The following LTV1 variants were observed in gnomAD, a reference collection of about 807,000 sequenced individuals.
LTV1 encodes protein LTV1 homolog.
In LTV1, 39 loss-of-function variants were observed where a neutral mutation model predicts 59.9. That is an observed-to-expected ratio of 0.65 (90% CI 0.50 to 0.85). The LOEUF is 0.85. LTV1 is among the 40% of genes least tolerant of loss of function. The pLI, the probability that LTV1 is intolerant of heterozygous loss-of-function variation, is 0.00. For synonymous variants in LTV1, 171 were observed against 189.5 expected (o/e 0.90, Z 0.80); for missense variants, 493 against 549.1 (o/e 0.90, Z 1.02).
Position 143,862,334 on chromosome 6 carries a change from C to A in LTV1, c.1063+91C>A. 2 of 1,211,836 alleles carry A rather than the reference C, an allele frequency of 1.7e-6. No homozygotes were observed. Among genetic ancestry groups the A allele is most frequent in the Non-Finnish European group, 2.3e-6 (2 of 873,670 alleles). The allele number at this position is 1,211,836 out of a possible 1,614,324, so 75.1% of individuals were successfully genotyped here. The stretch of plus-strand genomic sequence containing the variant: ...CGGTGCCTCACGCCTGTAGTAATCC[C>A]AGCACTTTGGGAGGCCGAGGCGGGT... On this transcript the variant is annotated intron_variant, in intron 8 of 10. Coordinates refer to ENST00000367576, the MANE Select transcript of LTV1 (RefSeq NM_032860.5). The surrounding 1 kb of genome is among the most constrained non-coding windows in gnomAD (Gnocchi z 4.2).
intron 6 of LTV1, among the ~76,000 whole-genome samples, chr6:143,859,533 A>G (rs1266919653): frequency 6.6e-6 from 1 of 152,260 alleles, no homozygotes; most frequent in Non-Finnish European, 1.5e-5. Flanking sequence ...GAATGAAGGA[A>G]TAGTTGCCAT....
chr6:143,852,655 C>G (rs1582938004), intron 4 of LTV1, among the ~76,000 whole-genome samples: 2 of 152,166 alleles, frequency 1.3e-5, no homozygotes, highest in East Asian at 3.8e-4. Context: ...TGCCTATATC[C>G]TGAATGGTAT....
chr6:143,845,300 TG>T (rs963988241), intron 2 of LTV1, among the ~76,000 whole-genome samples: 1 of 152,158 alleles, frequency 6.6e-6, no homozygotes, highest in African/African-American at 2.4e-5. Context: ...CTGGGGGACA[TG>T]GGCCACGTTT....
At chr6:143,853,831 T>A (rs1236829739) in intron 4 of LTV1, among the ~76,000 whole-genome samples, 1 of 152,250 alleles carries the variant, frequency 6.6e-6, no homozygotes, top group Non-Finnish European at 1.5e-5. Flanking sequence ...AGCTTTTTGA[T>A]GTGCTGCTGG....
intron 6 of LTV1, 120 bp from the exon 7 acceptor site, chr6:143,860,306 T>G: frequency 1.3e-6 from 1 of 751,162 alleles, no homozygotes; most frequent in Non-Finnish European, 2.1e-6. Context: ...TAATGGTAAT[T>G]GTGATAGTAC....
Position 143,860,494 on chromosome 6 carries a change from A to T in LTV1, c.864A>T (p.Gln288His), listed in dbSNP as rs1402309060. The change falls in exon 7 of 11, where the codon CAA (glutamine) becomes CAT (histidine). Residue 288 changes from glutamine to histidine, a missense_variant. Coordinates refer to ENST00000367576, the MANE Select transcript of LTV1 (RefSeq NM_032860.5). The stretch of plus-strand genomic sequence containing the variant: ...ATGCAGAATTGGAAGGTTCTATTCA[A>T]GTGGACAGCAATCGCTTACAGGAAG... ...LDNAELEGSIQVDSNRLQEVL... is the reference protein window; with the variant it reads ...LDNAELEGSIHVDSNRLQEVL... The T allele has an allele frequency of 3.2e-5, 51 of 1,613,758 alleles. No individual in the cohort carries two copies. The highest frequency in any genetic ancestry group is 4.2e-5 in the Non-Finnish European group (50 of 1,179,784).
At chr6:143,860,592 T>C in intron 7 of LTV1, 39 bp downstream of exon 7, 1 of 1,545,834 alleles carries the variant, frequency 6.5e-7, no homozygotes, top group South Asian at 1.3e-5. Context: ...CTGTTCTTTT[T>C]TTTAAAAAAG....
rs893639020 is a variant in LTV1 at position 143,863,049 on chromosome 6, G to T, written c.1117-37G>T. The T allele has an allele frequency of 3.5e-5, 54 of 1,556,000 alleles. No homozygotes were observed. In the Admixed American group the frequency reaches 7.4e-4, roughly 21 times the overall value. On this transcript the variant is annotated intron_variant, in intron 9 of 10. Transcript: ENST00000367576. The surrounding 1 kb of genome is among the most constrained non-coding windows in gnomAD (Gnocchi z 4.5). ...TAATGAGCTATTTTTTAATAGGAAT[G>T]AGAAGTAACTCTAGTACCATTTTAT... is the stretch of plus-strand genomic sequence containing the variant.
intron 4 of LTV1, among the ~76,000 whole-genome samples, chr6:143,851,785 C>T (rs1392552729): frequency 6.6e-6 from 1 of 152,022 alleles, no homozygotes; most frequent in East Asian, 1.9e-4. Context: ...CATATGTTCT[C>T]ATTGTTCAAC....
In LTV1 at chr6:143,862,013, C is replaced by A; in HGVS notation, c.924-91C>A. The A allele has an allele frequency of 1.6e-6, 2 of 1,281,024 alleles. No homozygotes were observed. The highest frequency in any genetic ancestry group is 2.2e-6 in the Non-Finnish European group (2 of 918,932). 79.4% of individuals were successfully genotyped at this position (1,281,024 alleles called of 1,614,324 possible). On this transcript the variant is annotated intron_variant, in intron 7 of 10. Transcript: ENST00000367576. This position sits in a 1 kb window ranked among gnomAD's most constrained non-coding sequence, Gnocchi z 4.2. ...TGTGCATTTAAAACATTGGTTTTTCCACAGCTAAAAATTGCAGTTTTAGTG... is the reference window on the plus strand; with the variant it reads ...TGTGCATTTAAAACATTGGTTTTTCAACAGCTAAAAATTGCAGTTTTAGTG...
In LTV1 at chr6:143,857,927, C is replaced by T. The variant is rs775225467; in HGVS notation, c.715C>T (p.Arg239Cys). The T allele has an allele frequency of 1.5e-5, 24 of 1,613,868 alleles. No homozygotes were observed. Among genetic ancestry groups the T allele is most frequent in the South Asian group, 3.3e-5 (3 of 91,062 alleles). ...GTTCTGGAGTGAGGAAACAAAGAGT[C>T]GCTTCACGGAGTATTCGATGACTTC... ...HLFWSEETKS[R>C]FTEYSMTSSV... The change falls in exon 6 of 11, where the codon CGC becomes TGC. Residue 239 changes from arginine to cysteine, a missense_variant. Coordinates refer to ENST00000367576, the MANE Select transcript of LTV1 (RefSeq NM_032860.5). The surrounding 1 kb of genome is among the most constrained non-coding windows in gnomAD (Gnocchi z 5.2).
At chr6:143,854,704 C>T (rs1339012642) in intron 4 of LTV1, among the ~76,000 whole-genome samples, 5 of 152,114 alleles carry the variant, frequency 3.3e-5, no homozygotes, top group Non-Finnish European at 7.4e-5. Context: ...TTGTTATTTA[C>T]CCCGTAGGCA....
Position 143,853,452 on chromosome 6 carries a change from C to T in LTV1, c.397+3234C>T, listed in dbSNP as rs969266648. ...GACTTCCTCTCTTCCTATTGGAATA[C>T]GCTTTATTTCTTTCTCTTGCCTGAT... On this transcript the variant is annotated intron_variant, in intron 4 of 10. Transcript: ENST00000367576. Among the ~76,000 whole-genome samples the T allele has an allele frequency of 5.9e-5, 9 of 152,268 alleles. 1 individual carries two copies. The South Asian group carries it at 8.3e-4, about 14-fold the overall frequency.
rs1378575695 is a variant in LTV1 at position 143,863,183 on chromosome 6, T to C, written c.1214T>C (p.Ile405Thr). Residue 405 changes from isoleucine (I) to threonine (T), a missense_variant, in exon 10 of 11, where the codon ATT (isoleucine) becomes ACT (threonine). By Grantham distance (89) the Ile-to-Thr change is moderately conservative (BLOSUM62 -1). Transcript: ENST00000367576. The surrounding 1 kb of genome is among the most constrained non-coding windows in gnomAD (Gnocchi z 4.5). ...AAGCAAACTGAAAGAATACAGATGATTAATGGCAGTGATCTTCCTAAAGTA... is the reference window on the plus strand; with the variant it reads ...AAGCAAACTGAAAGAATACAGATGACTAATGGCAGTGATCTTCCTAAAGTA... ...TAKQTERIQM[I>T]NGSDLPKVST... The C allele has an allele frequency of 6.8e-5, 109 of 1,613,848 alleles. No homozygotes were observed. The highest frequency in any genetic ancestry group is 9.2e-5 in the Non-Finnish European group (109 of 1,179,916).
At chr6:143,860,745 T>C (rs1009595076) in intron 7 of LTV1, among the ~76,000 whole-genome samples, 192 bp downstream of exon 7, 1 of 152,172 alleles carries the variant, frequency 6.6e-6, no homozygotes, top group Non-Finnish European at 1.5e-5. Context: ...TGGTACATTT[T>C]CCATAAACTT....
rs760387104 is a variant in LTV1, at chr6:143,844,585, G to A, written c.103G>A (p.Ala35Thr). The A allele has an allele frequency of 1.2e-6, 2 of 1,613,966 alleles. No homozygotes were observed. The highest frequency in any genetic ancestry group is 1.7e-6 in the Non-Finnish European group (2 of 1,179,978). The change falls in exon 2 of 11, where the codon GCA (alanine) becomes ACA (threonine). Residue 35 changes from alanine (A) to threonine (T), a missense_variant. By Grantham distance (58) the Ala-to-Thr change is moderately conservative. Coordinates refer to ENST00000367576, the MANE Select transcript of LTV1 (RefSeq NM_032860.5). Reference protein sequence around the residue: ...QRDPLAADESAPQRVLLPTQK... With the variant: ...QRDPLAADESTPQRVLLPTQK... ...AGATCCTTTAGCAGCAGATGAGAGT[G>A]CACCCCAGAGGGTTCTATTGCCCAC...
intron 6 of LTV1, chr6:143,858,646 T>C (rs1405331356): frequency 1.3e-5 from 2 of 153,428 alleles, no homozygotes; most frequent in African/African-American, 4.8e-5. Context: ...AAGGTGACTC[T>C]AAAGATAGAA....
chr6:143,860,732 A>G (rs1247089900), intron 7 of LTV1, among the ~76,000 whole-genome samples, 179 bp downstream of exon 7: 1 of 152,176 alleles, frequency 6.6e-6, no homozygotes, highest in Non-Finnish European at 1.5e-5. Context: ...GGAAAAAAGA[A>G]AGTGGTACAT....
chr6:143,845,653 T>C (rs998117103), intron 2 of LTV1, among the ~76,000 whole-genome samples: 3 of 152,220 alleles, frequency 2.0e-5, no homozygotes, highest in African/African-American at 7.2e-5. Flanking sequence ...GCTGGGATTA[T>C]AGGCATGAGC....
Sources: allele counts gnomAD v4.1 joint callset (sites outside exome capture counted in the v4.1 genomes callset), GRCh38; gene constraint gnomAD v4.1.1; non-coding constraint Gnocchi (gnomAD v3.1); transcripts MANE v1.5; gene names NCBI Gene and HGNC (gene_info 2026-07-23, HGNC 2026-07-21).